PABPC4L: variants seen among roughly 807,000 people sequenced by gnomAD.
The protein encoded by PABPC4L is polyadenylate-binding protein 4-like.
For synonymous variants in PABPC4L, 169 were observed against 164.1 expected (o/e 1.03, Z -0.23); for missense variants, 452 against 451.4 (o/e 1.00, Z -0.01).
chr4:134,044,305 C>T, the PABPC4L span, among the ~76,000 whole-genome samples: 1 of 151,950 alleles, frequency 6.6e-6, no homozygotes, highest in Non-Finnish European at 1.5e-5. Flanking sequence ...ACTCTGTCGC[C>T]CAGGCTGGAG....
downstream of PABPC4L, among the ~76,000 whole-genome samples, chr4:134,196,148 CTG>C (rs1376982567): frequency 6.6e-6 from 1 of 151,230 alleles, no homozygotes. Flanking sequence ...TTGTTTTCAA[CTG>C]TGAGTTCATA....
the PABPC4L span, among the ~76,000 whole-genome samples, chr4:134,120,819 G>A: frequency 6.6e-6 from 1 of 151,456 alleles, no homozygotes; most frequent in East Asian, 1.9e-4. Flanking sequence ...GTGTGGGCAA[G>A]TGTGTGTTGT....
At chr4:134,116,483 C>G in the PABPC4L span, among the ~76,000 whole-genome samples, 2 of 151,828 alleles carry the variant, frequency 1.3e-5, no homozygotes, top group South Asian at 2.1e-4. Flanking sequence ...AGAACTAAAG[C>G]CATCGGAATC....
At chr4:134,091,402 T>A in the PABPC4L span, among the ~76,000 whole-genome samples, 1 of 151,964 alleles carries the variant, frequency 6.6e-6, no homozygotes, top group African/African-American at 2.4e-5. Context: ...CTTTCAACTT[T>A]ATAACTTATT....
At chr4:134,079,913 A>C in the PABPC4L span, among the ~76,000 whole-genome samples, 1 of 152,168 alleles carries the variant, frequency 6.6e-6, no homozygotes, top group African/African-American at 2.4e-5. Flanking sequence ...ATAGTTTAAA[A>C]AAATTTTTTT....
chr4:133,948,851 G>C, the PABPC4L span, among the ~76,000 whole-genome samples: 1 of 151,846 alleles, frequency 6.6e-6, no homozygotes, highest in Non-Finnish European at 1.5e-5. Flanking sequence ...TTTAAAGTTT[G>C]TCTGAGATCA....
the PABPC4L span, among the ~76,000 whole-genome samples, chr4:134,104,819 TG>T: frequency 6.6e-6 from 1 of 151,730 alleles, no homozygotes; most frequent in African/African-American, 2.4e-5. Context: ...TATGGCAAAC[TG>T]CAAAATACCT....
At chr4:134,003,708 T>C in the PABPC4L span, among the ~76,000 whole-genome samples, 3 of 151,950 alleles carry the variant, frequency 2.0e-5, no homozygotes, top group Non-Finnish European at 4.4e-5. Context: ...GAACCAATTA[T>C]ACTTGTAACC....
At chr4:134,001,509 A>C in the PABPC4L span, among the ~76,000 whole-genome samples, 1 of 152,084 alleles carries the variant, frequency 6.6e-6, no homozygotes, top group Non-Finnish European at 1.5e-5. Flanking sequence ...ATTACTTTCT[A>C]TATGAACAGA....
At chr4:134,035,088 A>G in the PABPC4L span, among the ~76,000 whole-genome samples, 1 of 152,046 alleles carries the variant, frequency 6.6e-6, no homozygotes, top group Non-Finnish European at 1.5e-5. Flanking sequence ...GCAGTCATCA[A>G]CGTGGAGACA....
At chr4:134,091,300 GTT>G in the PABPC4L span, among the ~76,000 whole-genome samples, 1 of 147,468 alleles carries the variant, frequency 6.8e-6, no homozygotes, top group Non-Finnish European at 1.5e-5. Flanking sequence ...CTAATGGGCA[GTT>G]TTTTTTTTAT....
the PABPC4L span, among the ~76,000 whole-genome samples, chr4:134,117,988 T>C: frequency 6.6e-6 from 1 of 151,830 alleles, no homozygotes; most frequent in Non-Finnish European, 1.5e-5. Flanking sequence ...GCTCAGCATT[T>C]TTCTCCTGTA....
At chr4:134,087,516 C>G in the PABPC4L span, among the ~76,000 whole-genome samples, 1 of 152,148 alleles carries the variant, frequency 6.6e-6, no homozygotes. Flanking sequence ...GCAGATCTCA[C>G]AGGGTAAAGC....
At chr4:133,996,567 T>A in the PABPC4L span, among the ~76,000 whole-genome samples, 2 of 152,188 alleles carry the variant, frequency 1.3e-5, no homozygotes, top group Non-Finnish European at 2.9e-5. Flanking sequence ...CACCAATGAC[T>A]TACTGACTGT....
the PABPC4L span, among the ~76,000 whole-genome samples, chr4:133,998,320 T>C: frequency 2.6e-5 from 4 of 152,106 alleles, no homozygotes; most frequent in Admixed American, 2.0e-4. Context: ...CATTTTCCCA[T>C]GGATATTCCA....
At chr4:133,981,573 A>G in the PABPC4L span, among the ~76,000 whole-genome samples, 94 of 152,156 alleles carry the variant, frequency 6.2e-4, 6 homozygotes, top group Non-Finnish European at 8.8e-5. Context: ...TTTAATTATA[A>G]TACTTCGGTC....
At chr4:133,964,189 C>T in the PABPC4L span, among the ~76,000 whole-genome samples, 26 of 151,984 alleles carry the variant, frequency 1.7e-4, no homozygotes, top group African/African-American at 6.0e-4. Flanking sequence ...GCTACTGTGA[C>T]ACCTTTCTGC....
the PABPC4L span, among the ~76,000 whole-genome samples, chr4:134,173,393 T>G: frequency 6.6e-6 from 1 of 151,912 alleles, no homozygotes. Context: ...ATCACAAAAA[T>G]GAAATCCTGT....
the PABPC4L span, among the ~76,000 whole-genome samples, chr4:134,061,502 A>C: frequency 2.6e-5 from 4 of 152,034 alleles, no homozygotes; most frequent in Non-Finnish European, 4.4e-5. Flanking sequence ...GACAACAGAG[A>C]TGTAAAGAAG....
Sources: allele counts gnomAD v4.1 joint callset (sites outside exome capture counted in the v4.1 genomes callset), GRCh38; gene constraint gnomAD v4.1.1; transcripts MANE v1.5; gene names NCBI Gene and HGNC (gene_info 2026-07-23, HGNC 2026-07-21).